Variants in DISP1 observed in about 807,000 individuals in gnomAD.
The protein encoded by DISP1 is dispatched RND transporter family member 1.
Under a neutral mutation model 37.3 loss-of-function variants are expected in DISP1, and 30 were observed. The ratio of observed to expected loss-of-function variants is 0.80; its 90% CI spans 0.60 to 1.09. The LOEUF is 1.09. DISP1 is among the 50% of genes least tolerant of loss of function. The pLI is 0.00. For missense variants in DISP1, 1,598 were observed against 1,879.5 expected (o/e 0.85, Z 2.77); for synonymous variants, 634 against 690.2 (o/e 0.92, Z 1.28).
At chr1:222,920,670 G>A (rs916840275) in intron 1 of DISP1, among the ~76,000 whole-genome samples, 10 of 152,106 alleles carry the variant, frequency 6.6e-5, no homozygotes, top group South Asian at 6.2e-4. Flanking sequence ...TTTTGGTTAC[G>A]TTAAGGAGGG....
At chr1:222,971,358 T>TAA (rs1179624552) in intron 3 of DISP1, among the ~76,000 whole-genome samples, 1 of 151,688 alleles carries the variant, frequency 6.6e-6, no homozygotes, top group Non-Finnish European at 1.5e-5. Flanking sequence ...ACCGTTGGAG[T>TAA]TCATTTTGAT....
chr1:222,916,988 C>T (rs939511018), intron 1 of DISP1, among the ~76,000 whole-genome samples: 2 of 152,170 alleles, frequency 1.3e-5, no homozygotes, highest in African/African-American at 4.8e-5. Flanking sequence ...TGAGGGAATT[C>T]ACGCCCCAAG....
chr1:222,909,665 A>T (rs1196697582), intron 1 of DISP1, among the ~76,000 whole-genome samples: 1 of 152,226 alleles, frequency 6.6e-6, no homozygotes, highest in African/African-American at 2.4e-5. Flanking sequence ...TATAAAAGAT[A>T]AAACTAAAAC....
intron 2 of DISP1, among the ~76,000 whole-genome samples, chr1:222,932,383 A>G (rs1244142644): frequency 1.3e-5 from 2 of 151,942 alleles, no homozygotes; most frequent in African/African-American, 2.4e-5. Context: ...CTGCTGTGAT[A>G]GACTTGTAAT....
At chr1:222,820,453 C>T (rs1421371010) in intron 1 of DISP1, among the ~76,000 whole-genome samples, 1 of 152,112 alleles carries the variant, frequency 6.6e-6, no homozygotes, top group African/African-American at 2.4e-5. Context: ...ACTGAGAGGG[C>T]TTCCTTTCTG....
chr1:222,968,740 C>G (rs993688956), intron 3 of DISP1, among the ~76,000 whole-genome samples: 1 of 151,906 alleles, frequency 6.6e-6, no homozygotes, highest in African/African-American at 2.4e-5. Context: ...TCGAGACCAG[C>G]CTGGCCAACA....
In DISP1 at chr1:222,852,961, A is replaced by G. The variant is rs532618919; in HGVS notation, c.-159+37883A>G. ...TTGAGAAAAACAAATATATCTGTGTATATATACCAAATGTATTCATATACA... is the reference window on the plus strand; with the variant it reads ...TTGAGAAAAACAAATATATCTGTGTGTATATACCAAATGTATTCATATACA... On this transcript the variant is annotated intron_variant, in intron 1 of 8. Coordinates refer to ENST00000675850, the MANE Select transcript of DISP1 (RefSeq NM_001377229.1). 2.7e-3 allele frequency among the ~76,000 whole-genome samples: 412 copies of G among 152,360 alleles called. 1 individual carries two copies. Among genetic ancestry groups the G allele is most frequent in the Middle Eastern group, 0.017 (5 of 294 alleles).
intron 8 of DISP1, among the ~76,000 whole-genome samples, chr1:222,998,536 G>A (rs1679229776): frequency 6.6e-6 from 1 of 152,040 alleles, no homozygotes; most frequent in African/African-American, 2.4e-5. Flanking sequence ...TGATCCTGTT[G>A]TCTACCTCTT....
chr1:222,998,979 G>A (rs997739372), intron 8 of DISP1, among the ~76,000 whole-genome samples: 2 of 152,066 alleles, frequency 1.3e-5, no homozygotes, highest in Non-Finnish European at 2.9e-5. Flanking sequence ...GGAGGGTCCG[G>A]CAGTCAATTG....
chr1:222,935,579 C>T lies in DISP1; in HGVS notation c.-18+7009C>T, dbSNP rs184188200. Among the ~76,000 whole-genome samples, 7 of 152,218 alleles carry T rather than the reference C, an allele frequency of 4.6e-5. No homozygotes were observed. The East Asian group carries it at 1.4e-3, about 29-fold the overall frequency. Reference sequence around the variant, plus strand: ...TTAGGAGGATCAACTCAAGTGAGATCATTTGTGAGAAAGTGCTTTGGAAAT... The same window carrying T: ...TTAGGAGGATCAACTCAAGTGAGATTATTTGTGAGAAAGTGCTTTGGAAAT... On this transcript the variant is annotated intron_variant, in intron 2 of 8. Coordinates refer to ENST00000675850, the MANE Select transcript of DISP1 (RefSeq NM_001377229.1).
At chr1:222,891,547 A>G (rs1301590980) in intron 1 of DISP1, among the ~76,000 whole-genome samples, 1 of 152,182 alleles carries the variant, frequency 6.6e-6, no homozygotes, top group Non-Finnish European at 1.5e-5. Flanking sequence ...ATCCATATTT[A>G]AAGAGGGGGC....
chr1:222,972,301 A>T lies in DISP1; in HGVS notation c.510-10779A>T, dbSNP rs193221252. Among the ~76,000 whole-genome samples, 333 of 152,120 alleles carry T rather than the reference A, an allele frequency of 2.2e-3. 2 individuals carry two copies. Among genetic ancestry groups the T allele is most frequent in the African/African-American group, 7.4e-3 (308 of 41,536 alleles). ...TGTCAGAGGCTTTCTAAATTACTTA[A>T]AGATTATTTTCCTTTTTTTCTCTTT... On this transcript the variant is annotated intron_variant, in intron 3 of 8. Transcript: ENST00000675850.
intron 1 of DISP1, among the ~76,000 whole-genome samples, chr1:222,878,003 A>T (rs1283569118): frequency 6.6e-6 from 1 of 152,178 alleles, no homozygotes; most frequent in African/African-American, 2.4e-5. Flanking sequence ...AGAAGTAGGT[A>T]TGAGTCAGAT....
At chr1:222,956,863 A>G (rs943803921) in intron 3 of DISP1, among the ~76,000 whole-genome samples, 1 of 152,094 alleles carries the variant, frequency 6.6e-6, no homozygotes, top group Non-Finnish European at 1.5e-5. Context: ...ACTATATATT[A>G]TACTCTTATT....
intron 3 of DISP1, among the ~76,000 whole-genome samples, chr1:222,964,195 A>G (rs1676284261): frequency 6.6e-6 from 1 of 151,694 alleles, no homozygotes; most frequent in South Asian, 2.1e-4. Flanking sequence ...GCTACTTGGG[A>G]GCCTGAGGCA....
chr1:222,978,602 G>A (rs376114506), intron 3 of DISP1, among the ~76,000 whole-genome samples: 8 of 152,134 alleles, frequency 5.3e-5, no homozygotes, highest in East Asian at 1.9e-4. Context: ...GCCCATGCCT[G>A]TGTCCTGAAT....
At chr1:222,954,265 C>T (rs2125524100) in intron 3 of DISP1, among the ~76,000 whole-genome samples, 1 of 152,220 alleles carries the variant, frequency 6.6e-6, no homozygotes, top group South Asian at 2.1e-4. Context: ...TAGAACTTAA[C>T]ATTTAAAGGA....
intron 2 of DISP1, among the ~76,000 whole-genome samples, chr1:222,936,786 A>ATATATTATATATATAAAT (rs1673818672): frequency 1.9e-5 from 1 of 53,464 alleles, no homozygotes; most frequent in Non-Finnish European, 3.8e-5. Context: ...ATCATATATA[A>ATATATTATATATATAAAT]TATATATAAT....
chr1:222,911,471 CTT>C lies in DISP1; in HGVS notation c.-158-16956_-158-16955del, dbSNP rs1484115864. Among the ~76,000 whole-genome samples the C allele has an allele frequency of 2.6e-5, 4 of 152,014 alleles. No individual in the cohort carries two copies. In the East Asian group the frequency reaches 5.8e-4, roughly 22 times the overall value. ...ACCTTCTAGTACCCTTCTTTTTCCT[CTT>C]TTACAGATGGAAGAAATTTTTTTTT... On this transcript the variant is annotated intron_variant, in intron 1 of 8. Transcript: ENST00000675850.
Sources: allele counts gnomAD v4.1 joint callset (sites outside exome capture counted in the v4.1 genomes callset), GRCh38; gene constraint gnomAD v4.1.1; transcripts MANE v1.5; gene names NCBI Gene and HGNC (gene_info 2026-07-23, HGNC 2026-07-21).